DPYD: variants seen among roughly 807,000 people sequenced by gnomAD.
The protein encoded by DPYD is dihydropyrimidine dehydrogenase [NADP(+)].
DPYD carries 109 observed loss-of-function variants against 116.2 expected under a neutral mutation model. That is an observed-to-expected ratio of 0.94 (90% CI 0.80 to 1.10). The LOEUF is 1.10. Ranked by LOEUF, DPYD falls within the 50% of genes least tolerant of loss-of-function variation. The pLI is 0.00. For missense variants in DPYD, 1,302 were observed against 1,254.5 expected (o/e 1.04, Z -0.57); for synonymous variants, 440 against 432.0 (o/e 1.02, Z -0.23).
intron 14 of DPYD, chr1:97,394,415 A>G (rs1241975949): frequency 6.6e-6 from 1 of 152,060 alleles, no homozygotes; most frequent in African/African-American, 2.4e-5. Flanking sequence ...GGAGGCCTGA[A>G]GAGACTGACG....
rs1330588244 is a variant in DPYD, at chr1:97,871,789, TG to T, written c.150+11474del. 4.0e-5 allele frequency among the ~76,000 whole-genome samples: 6 copies of T among 151,834 alleles called. No individual in the cohort carries two copies. In the East Asian group the frequency reaches 1.2e-3, roughly 30 times the overall value. ...TATCTTGCTGCTCAGTACTTCTCCATGGTTTTTCCATATACATTGTTCTCTA... is the reference window on the plus strand; with the variant it reads ...TATCTTGCTGCTCAGTACTTCTCCATGTTTTTCCATATACATTGTTCTCTA... On this transcript the variant is annotated intron_variant, in intron 2 of 22. Transcript: ENST00000370192.
intron 13 of DPYD, among the ~76,000 whole-genome samples, chr1:97,479,440 C>T (rs990095237): frequency 2.6e-5 from 4 of 152,168 alleles, no homozygotes; most frequent in Non-Finnish European, 2.9e-5. Flanking sequence ...CCAGAAGACA[C>T]ACAACACGTA....
At chr1:97,472,897 T>G (rs1161959936) in intron 13 of DPYD, among the ~76,000 whole-genome samples, 9 of 152,194 alleles carry the variant, frequency 5.9e-5, no homozygotes, top group African/African-American at 1.7e-4. Flanking sequence ...ACTTCATATA[T>G]CAAACATTGT....
chr1:97,615,869 T>C (rs1656235712), intron 8 of DPYD, among the ~76,000 whole-genome samples: 1 of 152,146 alleles, frequency 6.6e-6, no homozygotes, highest in African/African-American at 2.4e-5. Flanking sequence ...TGTCCTATAG[T>C]GCACTGAATA....
chr1:97,633,225 G>T (rs542065305), intron 8 of DPYD, among the ~76,000 whole-genome samples: 25 of 152,196 alleles, frequency 1.6e-4, no homozygotes, highest in Admixed American at 1.4e-3. Flanking sequence ...GAAAGAAAAA[G>T]ACTTAGGGTC....
intron 19 of DPYD, among the ~76,000 whole-genome samples, chr1:97,230,138 T>G (rs1661486543): frequency 6.6e-6 from 1 of 152,180 alleles, no homozygotes; most frequent in Non-Finnish European, 1.5e-5. Context: ...GTCTGAGCTG[T>G]ACACAAAGGA....
At chr1:97,101,398 C>T (rs191566281) in intron 20 of DPYD, among the ~76,000 whole-genome samples, 2 of 150,502 alleles carry the variant, frequency 1.3e-5, no homozygotes, top group Non-Finnish European at 3.0e-5. Flanking sequence ...TCAATTCTCT[C>T]CCGCAACAAA....
chr1:97,703,691 G>C (rs1005943862), intron 5 of DPYD, among the ~76,000 whole-genome samples: 63 of 151,940 alleles, frequency 4.1e-4, no homozygotes, highest in African/African-American at 1.5e-3. Flanking sequence ...GTGGCTAGTG[G>C]ATAATACATC....
intron 8 of DPYD, among the ~76,000 whole-genome samples, chr1:97,617,964 G>A (rs541641539): frequency 6.6e-6 from 1 of 152,218 alleles, no homozygotes; most frequent in East Asian, 1.9e-4. Flanking sequence ...TGCCACTTGG[G>A]TCCCCAAAAT....
At chr1:97,457,084 G>A (rs554775568) in intron 13 of DPYD, among the ~76,000 whole-genome samples, 19 of 152,072 alleles carry the variant, frequency 1.2e-4, no homozygotes, top group South Asian at 6.2e-4. Context: ...GATACTCTAC[G>A]TAAGCAGGGA....
At chr1:97,889,586 T>C (rs1351786847) in intron 1 of DPYD, among the ~76,000 whole-genome samples, 1 of 152,002 alleles carries the variant, frequency 6.6e-6, no homozygotes, top group African/African-American at 2.4e-5. Context: ...ATTATAAACA[T>C]ATATGTGCCT....
At chr1:97,134,722 G>A (rs995546833) in intron 20 of DPYD, among the ~76,000 whole-genome samples, 1 of 152,146 alleles carries the variant, frequency 6.6e-6, no homozygotes, top group African/African-American at 2.4e-5. Flanking sequence ...AGTTAGCAGA[G>A]AATTTTTACT....
chr1:97,304,084 T>C (rs1667023030), intron 18 of DPYD, among the ~76,000 whole-genome samples: 3 of 151,982 alleles, frequency 2.0e-5, no homozygotes, highest in Admixed American at 6.6e-5. Flanking sequence ...ACTACTGCAA[T>C]AGTTCTTTTA....
chr1:97,168,574 T>A (rs1275611231), intron 20 of DPYD, among the ~76,000 whole-genome samples: 1 of 152,152 alleles, frequency 6.6e-6, no homozygotes, highest in Non-Finnish European at 1.5e-5. Flanking sequence ...CTGGTATGAG[T>A]TATTCTCATT....
intron 14 of DPYD, among the ~76,000 whole-genome samples, chr1:97,430,657 C>A (rs1675124520): frequency 6.6e-6 from 1 of 151,986 alleles, no homozygotes; most frequent in South Asian, 2.1e-4. Context: ...AAAAGAGAAG[C>A]AGTTGAACTG....
intron 20 of DPYD, among the ~76,000 whole-genome samples, chr1:97,173,349 CAT>C (rs376307078): frequency 1.3e-5 from 2 of 149,318 alleles, no homozygotes; most frequent in Non-Finnish European, 3.0e-5. Flanking sequence ...TATATGCACA[CAT>C]ATATGTACAT....
intron 6 of DPYD, among the ~76,000 whole-genome samples, chr1:97,693,922 T>C (rs1661163205): frequency 6.6e-6 from 1 of 152,066 alleles, no homozygotes; most frequent in South Asian, 2.1e-4. Flanking sequence ...AAAGGCATGT[T>C]ATAAAAAGCA....
intron 10 of DPYD, among the ~76,000 whole-genome samples, chr1:97,575,312 A>C (rs992184878): frequency 5.3e-5 from 8 of 152,280 alleles, no homozygotes; most frequent in East Asian, 1.9e-4. Flanking sequence ...GAAAGAAAAA[A>C]ATCCTCAGAT....
In DPYD at chr1:97,792,730, T is replaced by C. The variant is rs79210956; in HGVS notation, c.233+35384A>G. On this transcript the variant is annotated intron_variant, in intron 3 of 22. Coordinates refer to ENST00000370192, the MANE Select transcript of DPYD (RefSeq NM_000110.4). ...TTCATGAAAATAAGAGAATGACACT[T>C]CATCTTAGTTCTTGTCCTCCCAAAA... 2.7e-3 allele frequency among the ~76,000 whole-genome samples: 415 copies of C among 152,218 alleles called. 2 individuals carry two copies. The highest frequency in any genetic ancestry group is 8.9e-3 in the African/African-American group (369 of 41,530).
Sources: allele counts gnomAD v4.1 joint callset (sites outside exome capture counted in the v4.1 genomes callset), GRCh38; gene constraint gnomAD v4.1.1; transcripts MANE v1.5; gene names NCBI Gene and HGNC (gene_info 2026-07-23, HGNC 2026-07-21).